The following SPOCK1 variants were observed in gnomAD, a reference collection of about 807,000 sequenced individuals.
SPOCK1 encodes testican-1.
SPOCK1 carries 23 observed loss-of-function variants against 55.3 expected under a neutral mutation model. The ratio of observed to expected loss-of-function variants is 0.42; its 90% CI spans 0.30 to 0.59. SPOCK1 has a LOEUF of 0.59. Ranked by LOEUF, SPOCK1 falls within the 20% of genes least tolerant of loss-of-function variation. SPOCK1 has a pLI of 0.22. For missense variants in SPOCK1, 499 were observed against 552.5 expected (o/e 0.90, Z 0.97); for synonymous variants, 226 against 221.0 (o/e 1.02, Z -0.20).
intron 2 of SPOCK1, among the ~76,000 whole-genome samples, chr5:137,302,576 CAAAAAATA>C (rs1410708203): frequency 2.1e-4 from 27 of 128,524 alleles, no homozygotes; most frequent in Admixed American, 1.4e-3. Flanking sequence ...GACTCCATCT[CAAAAAATA>C]AATAAATAAA....
At position 137,009,452 on chromosome 5, in the gene SPOCK1, A is replaced by G. The variant is rs1313714102; in HGVS notation, c.590-16852T>C. Among the ~76,000 whole-genome samples the G allele has an allele frequency of 4.6e-5, 7 of 152,212 alleles. 1 individual carries two copies. The highest frequency in any genetic ancestry group is 4.6e-4 in the Admixed American group (7 of 15,278). On this transcript the variant is annotated intron_variant, in intron 6 of 10. Transcript: ENST00000394945. ...CAGAATAGTGTATATTCTATACTAT[A>G]TATGTGTTAAAAGGTAGAGAGATAA...
chr5:137,080,180 A>G (rs527392809), intron 5 of SPOCK1, among the ~76,000 whole-genome samples: 1 of 152,344 alleles, frequency 6.6e-6, no homozygotes, highest in Admixed American at 6.5e-5. Flanking sequence ...TATGATAAAA[A>G]TGATAACAAC....
intron 6 of SPOCK1, among the ~76,000 whole-genome samples, chr5:137,043,386 C>A (rs180794104): frequency 6.6e-6 from 1 of 152,064 alleles, no homozygotes; most frequent in Non-Finnish European, 1.5e-5. Flanking sequence ...AGACACTCTA[C>A]CCTGAAGCAT....
chr5:137,010,006 T>C (rs553625466), intron 6 of SPOCK1, among the ~76,000 whole-genome samples: 4 of 152,254 alleles, frequency 2.6e-5, no homozygotes, highest in Admixed American at 1.3e-4. Flanking sequence ...TTCAAATATG[T>C]GTTCACCTGG....
At chr5:137,089,113 A>C (rs1417621919) in intron 5 of SPOCK1, among the ~76,000 whole-genome samples, 1 of 152,164 alleles carries the variant, frequency 6.6e-6, no homozygotes, top group African/African-American at 2.4e-5. Context: ...ATGCAGGTGC[A>C]AGGGGAGGAG....
intron 3 of SPOCK1, among the ~76,000 whole-genome samples, chr5:137,207,035 T>C (rs1204990201): frequency 2.0e-5 from 3 of 152,216 alleles, no homozygotes; most frequent in African/African-American, 4.8e-5. Flanking sequence ...TGCTTGCCCC[T>C]GGAATGTGTA....
chr5:137,360,293 C>T (rs995460208), intron 2 of SPOCK1, among the ~76,000 whole-genome samples: 3 of 152,122 alleles, frequency 2.0e-5, no homozygotes, highest in Non-Finnish European at 4.4e-5. Context: ...TTTGCCCTTG[C>T]TAAAATGTTG....
intron 8 of SPOCK1, among the ~76,000 whole-genome samples, chr5:136,987,994 CTTAGTATAAATCTGAACT>C (rs1365118185): frequency 6.6e-6 from 1 of 152,196 alleles, no homozygotes; most frequent in Admixed American, 6.5e-5. Flanking sequence ...GTCTAGGACA[CTTAGTATAAATCTGAACT>C]TATCCTAGAG....
chr5:137,184,114 A>G (rs1196548845), intron 3 of SPOCK1, among the ~76,000 whole-genome samples: 1 of 152,208 alleles, frequency 6.6e-6, no homozygotes, highest in Non-Finnish European at 1.5e-5. Context: ...GGACAAGAAC[A>G]AATTTTACCA....
Position 137,426,186 on chromosome 5 carries a change from C to T in SPOCK1, c.186+72187G>A, listed in dbSNP as rs1488814028. Among the ~76,000 whole-genome samples, 4 of 152,254 alleles carry T rather than the reference C, an allele frequency of 2.6e-5. No homozygotes were observed. In the East Asian group the frequency reaches 7.7e-4, roughly 29 times the overall value. ...GTACTGCACAGTTCATATGCCTGGCCAACAGTAAATGATCAATTAGTGTTA... is the reference window on the plus strand; with the variant it reads ...GTACTGCACAGTTCATATGCCTGGCTAACAGTAAATGATCAATTAGTGTTA... On this transcript the variant is annotated intron_variant, in intron 2 of 10. Coordinates refer to ENST00000394945, the MANE Select transcript of SPOCK1 (RefSeq NM_004598.4).
intron 2 of SPOCK1, among the ~76,000 whole-genome samples, chr5:137,357,614 C>T (rs1480820940): frequency 6.6e-6 from 1 of 152,122 alleles, no homozygotes; most frequent in Non-Finnish European, 1.5e-5. Flanking sequence ...CCCACATGCA[C>T]ATATGGGGAA....
At chr5:137,217,168 G>C (rs1176179984) in intron 3 of SPOCK1, among the ~76,000 whole-genome samples, 1 of 152,158 alleles carries the variant, frequency 6.6e-6, no homozygotes, top group Non-Finnish European at 1.5e-5. Flanking sequence ...TCATGTACTG[G>C]AGTCTCTTTT....
chr5:137,035,558 C>T (rs139706946), intron 6 of SPOCK1, among the ~76,000 whole-genome samples: 2 of 152,328 alleles, frequency 1.3e-5, no homozygotes, highest in African/African-American at 2.4e-5. Flanking sequence ...CTGGCTGCTG[C>T]CCTTCAAGGA....
chr5:136,987,922 A>G (rs557471500), intron 8 of SPOCK1, among the ~76,000 whole-genome samples: 29 of 152,222 alleles, frequency 1.9e-4, no homozygotes, highest in Admixed American at 1.6e-3. Context: ...CTTTTCTTCT[A>G]TTCCCCAAAT....
chr5:137,024,733 T>A (rs1321823816), intron 6 of SPOCK1, among the ~76,000 whole-genome samples: 2 of 152,130 alleles, frequency 1.3e-5, no homozygotes, highest in Non-Finnish European at 2.9e-5. Flanking sequence ...AGGCATCCAC[T>A]ATATGCTCCA....
chr5:137,263,704 G>C lies in SPOCK1; in HGVS notation c.232+3306C>G, dbSNP rs191574072. On this transcript the variant is annotated intron_variant, in intron 3 of 10. Coordinates refer to ENST00000394945, the MANE Select transcript of SPOCK1 (RefSeq NM_004598.4). ...CTGAACTCCTGTCCATCCTTTCTGT[G>C]AGGAGATTTGGCATTAAATCATTAC... 3.5e-3 allele frequency among the ~76,000 whole-genome samples: 536 copies of C among 152,216 alleles called. 3 individuals are homozygous for C. Among genetic ancestry groups the C allele is most frequent in the Non-Finnish European group, 3.5e-3 (237 of 68,018 alleles).
chr5:136,987,399 A>C (rs758685538), intron 8 of SPOCK1, among the ~76,000 whole-genome samples: 11 of 152,216 alleles, frequency 7.2e-5, no homozygotes, highest in African/African-American at 2.7e-4. Flanking sequence ...AGAATGTTTC[A>C]TTTGTACAGA....
intron 4 of SPOCK1, among the ~76,000 whole-genome samples, chr5:137,134,122 C>T (rs1216269649): frequency 6.6e-6 from 1 of 152,212 alleles, no homozygotes; most frequent in Non-Finnish European, 1.5e-5. Flanking sequence ...CTTCCCCTTA[C>T]TGGCAGTGTC....
chr5:137,160,614 AATATATATT>A (rs1754527197), intron 3 of SPOCK1, among the ~76,000 whole-genome samples: 5 of 68,250 alleles, frequency 7.3e-5, no homozygotes, highest in Non-Finnish European at 1.3e-4. Context: ...TATAATATAT[AATATATATT>A]TTATATAATA....
Sources: gnomAD v4.1 joint callset for allele counts (sites outside exome capture counted in the v4.1 genomes callset) on GRCh38, gnomAD v4.1.1 for gene constraint, MANE v1.5 for transcripts, NCBI Gene and HGNC (gene_info 2026-07-23, HGNC 2026-07-21) for gene names.